The following AGMO variants were observed in gnomAD, a reference collection of about 807,000 sequenced individuals.
The protein encoded by AGMO is glyceryl-ether monooxygenase.
AGMO carries 75 observed loss-of-function variants against 60.2 expected under a neutral mutation model. That is an observed-to-expected ratio of 1.25 (90% CI 1.03 to 1.51). AGMO has a LOEUF of 1.51. AGMO is among the 40% of genes most tolerant of loss of function. AGMO has a pLI of 0.00. For missense variants in AGMO, 763 were observed against 525.5 expected (o/e 1.45, Z -4.42); for synonymous variants, 261 against 177.1 (o/e 1.47, Z -3.76).
chr7:15,209,719 CAG>C (rs572427513), intron 12 of AGMO, among the ~76,000 whole-genome samples: 74 of 152,246 alleles, frequency 4.9e-4, no homozygotes, highest in African/African-American at 1.6e-3. Flanking sequence ...CAAGGGTATA[CAG>C]AGTCTTGACT....
intron 12 of AGMO, among the ~76,000 whole-genome samples, chr7:15,333,968 T>A (rs1781575248): frequency 6.6e-6 from 1 of 152,108 alleles, no homozygotes. Context: ...TACCATAGAA[T>A]ACAAGTAAGT....
At chr7:15,358,670 ACTCCT>A (rs1274788989) in intron 12 of AGMO, among the ~76,000 whole-genome samples, 2 of 151,826 alleles carry the variant, frequency 1.3e-5, no homozygotes, top group African/African-American at 4.8e-5. Flanking sequence ...ACCCAAACCC[ACTCCT>A]AGATAACTCA....
At chr7:15,329,845 C>T (rs1781448825) in intron 12 of AGMO, among the ~76,000 whole-genome samples, 1 of 152,048 alleles carries the variant, frequency 6.6e-6, no homozygotes, top group Non-Finnish European at 1.5e-5. Flanking sequence ...CTTCATATCC[C>T]ACGAGCATCC....
At chr7:15,272,477 G>A (rs1237887014) in intron 12 of AGMO, among the ~76,000 whole-genome samples, 1 of 151,884 alleles carries the variant, frequency 6.6e-6, no homozygotes, top group African/African-American at 2.4e-5. Context: ...TTTTATGGCT[G>A]CATAGTATTC....
chr7:15,488,831 TA>T (rs1422613418), intron 3 of AGMO, among the ~76,000 whole-genome samples: 1 of 152,054 alleles, frequency 6.6e-6, no homozygotes, highest in Non-Finnish European at 1.5e-5. Flanking sequence ...TAACCATGTG[TA>T]AATAATAATA....
rs191099541 is a variant in AGMO at position 15,387,512 on chromosome 7, G to A, written c.851C>T (p.Thr284Ile). The A allele has an allele frequency of 2.0e-4, 323 of 1,613,354 alleles. 1 individual carries two copies. The East Asian group carries it at 6.7e-3, about 33-fold the overall frequency. Reference sequence around the variant, plus strand: ...GAAGAATCCAGGTGTGGCCCAGAATGTAGTCCATATGGAAAATAAGTGATG... The same window carrying A: ...GAAGAATCCAGGTGTGGCCCAGAATATAGTCCATATGGAAAATAAGTGATG... ...QFHHLFSIWTTFWATPGFFNK... is the reference protein window; with the variant it reads ...QFHHLFSIWTIFWATPGFFNK... Residue 284 changes from threonine to isoleucine, a missense_variant, in exon 9 of 13, where the codon ACA becomes ATA. Physicochemically the swap from Thr to Ile is moderately conservative, Grantham distance 89 (BLOSUM62 -1). Coordinates refer to ENST00000342526, the MANE Select transcript of AGMO (RefSeq NM_001004320.2).
chr7:15,274,742 C>T (rs1783729707), intron 12 of AGMO, among the ~76,000 whole-genome samples: 1 of 148,950 alleles, frequency 6.7e-6, no homozygotes, highest in Non-Finnish European at 1.5e-5. Flanking sequence ...AGTTTTATTA[C>T]TAGTTATTGG....
chr7:15,164,445 G>C, the AGMO span, among the ~76,000 whole-genome samples: 10 of 152,002 alleles, frequency 6.6e-5, no homozygotes, highest in Non-Finnish European at 1.3e-4. Context: ...AATCAACAGA[G>C]TATATAGACA....
the AGMO span, among the ~76,000 whole-genome samples, chr7:15,143,079 T>A: frequency 6.6e-6 from 1 of 152,182 alleles, no homozygotes; most frequent in Admixed American, 6.5e-5. Context: ...AGGTTTTTGA[T>A]TTATTATTTT....
At chr7:15,135,123 GAAC>G in the AGMO span, among the ~76,000 whole-genome samples, 8 of 150,832 alleles carry the variant, frequency 5.3e-5, no homozygotes, top group Non-Finnish European at 8.9e-5. Flanking sequence ...TATAAGTGGA[GAAC>G]AATAACATAG....
chr7:15,390,966 T>A, intron 6 of AGMO, 61 bp from the exon 7 acceptor site: 2 of 1,013,068 alleles, frequency 2.0e-6, no homozygotes, highest in Non-Finnish European at 2.9e-6. Context: ...TTGAGATACT[T>A]CCATCTTGTT....
chr7:15,217,386 A>G (rs566804115), intron 12 of AGMO, among the ~76,000 whole-genome samples: 4 of 144,858 alleles, frequency 2.8e-5, no homozygotes, highest in South Asian at 4.7e-4. Context: ...TCTCTCTCAC[A>G]TGCACACACA....
intron 12 of AGMO, among the ~76,000 whole-genome samples, chr7:15,332,258 T>C (rs1419493643): frequency 1.3e-5 from 2 of 152,098 alleles, no homozygotes; most frequent in Non-Finnish European, 2.9e-5. Context: ...ACTGAAACCT[T>C]TCTCCCTATC....
chr7:15,358,744 T>C (rs1324887855), intron 12 of AGMO, among the ~76,000 whole-genome samples: 1 of 152,078 alleles, frequency 6.6e-6, no homozygotes, highest in African/African-American at 2.4e-5. Context: ...GTGGTAAATC[T>C]CTGTCACCCA....
intron 12 of AGMO, among the ~76,000 whole-genome samples, chr7:15,251,648 C>G (rs1175928560): frequency 6.6e-6 from 1 of 152,176 alleles, no homozygotes; most frequent in East Asian, 1.9e-4. Context: ...ACTGCCCAGT[C>G]TACGCAGAAG....
chr7:15,120,092 G>A, the AGMO span, among the ~76,000 whole-genome samples: 1,121 of 151,832 alleles, frequency 7.4e-3, 16 homozygotes, highest in African/African-American at 0.026. Context: ...ACAGTATGCT[G>A]CAATTTACCC....
intron 3 of AGMO, among the ~76,000 whole-genome samples, chr7:15,516,208 A>C (rs1247865261): frequency 2.6e-5 from 4 of 152,192 alleles, no homozygotes; most frequent in Non-Finnish European, 5.9e-5. Flanking sequence ...TTAAATAACA[A>C]CAATAAAGAT....
At chr7:15,561,632 A>C (rs1262737757) in intron 1 of AGMO, 88 bp downstream of exon 1, 1 of 1,216,684 alleles carries the variant, frequency 8.2e-7, no homozygotes, top group Non-Finnish European at 1.1e-6. Context: ...TTGAATAATG[A>C]AAGTGAACAA....
At chr7:15,298,680 G>A (rs1426645925) in intron 12 of AGMO, among the ~76,000 whole-genome samples, 1 of 151,958 alleles carries the variant, frequency 6.6e-6, no homozygotes, top group Non-Finnish European at 1.5e-5. Flanking sequence ...GGAATTACAG[G>A]GATGAGCCAC....
Sources: allele counts gnomAD v4.1 joint callset (sites outside exome capture counted in the v4.1 genomes callset), GRCh38; gene constraint gnomAD v4.1.1; transcripts MANE v1.5; gene names NCBI Gene and HGNC (gene_info 2026-07-23, HGNC 2026-07-21).